NR2E1: variants seen among roughly 807,000 people sequenced by gnomAD.
The protein encoded by NR2E1 is nuclear receptor TLX.
NR2E1 carries 5 observed loss-of-function variants against 43.6 expected under a neutral mutation model. The observed-to-expected ratio is 0.11, with a 90% CI of 0.06 to 0.24. NR2E1 has a LOEUF of 0.24. Ranked by LOEUF, NR2E1 falls within the 10% of genes least tolerant of loss-of-function variation. NR2E1 has a pLI of 1.00. For synonymous variants in NR2E1, 191 were observed against 195.5 expected (o/e 0.98, Z 0.19); for missense variants, 287 against 496.7 (o/e 0.58, Z 4.01).
Position 108,181,643 on chromosome 6 carries a change from C to G in NR2E1, c.987C>G (p.Ile329Met). The change falls in exon 8 of 9, where the codon ATC (isoleucine) becomes ATG (methionine). Residue 329 changes from isoleucine to methionine, a missense_variant. Ile to Met is a conservative substitution (Grantham distance 10). Around this residue, in one of 4 missense-constraint regions of NR2E1, gnomAD observed 119 missense variants for 187.0 expected, o/e 0.64. Coordinates refer to ENST00000368986, the MANE Select transcript of NR2E1 (RefSeq NM_003269.5). ...DEAQLTLNSY[I>M]HTRYPTQPCR... ...CTCAGCTAACGCTCAACAGCTACAT[C>G]CATACCAGGTGACCCTTGTTTGCCT... 1 of 1,613,746 alleles carries G rather than the reference C, an allele frequency of 6.2e-7. No homozygotes were observed. Among genetic ancestry groups the G allele is most frequent in the Non-Finnish European group, 8.5e-7 (1 of 1,179,586 alleles).
chr6:108,179,492 C>CTCTGTG (rs1554258516), intron 5 of NR2E1, among the ~76,000 whole-genome samples: 3 of 131,348 alleles, frequency 2.3e-5, no homozygotes, highest in African/African-American at 8.8e-5. Flanking sequence ...TAACCACTTC[C>CTCTGTG]TGTGTGTGTG....
chr6:108,184,856 A>G (rs1582451131), intron 8 of NR2E1, among the ~76,000 whole-genome samples: 1 of 152,228 alleles, frequency 6.6e-6, no homozygotes, highest in East Asian at 1.9e-4. Context: ...AATTCTTATT[A>G]TTTCTATTAA....
chr6:108,171,664 G>C, intron 2 of NR2E1, 61 bp downstream of exon 2: 1 of 1,605,486 alleles, frequency 6.2e-7, no homozygotes. Flanking sequence ...TCTTTTGTTT[G>C]TGCCAAGGCC....
chr6:108,169,051 G>T lies in NR2E1; in HGVS notation c.25+2261G>T, dbSNP rs1272935050. On this transcript the variant is annotated intron_variant, in intron 1 of 8. Coordinates refer to ENST00000368986, the MANE Select transcript of NR2E1 (RefSeq NM_003269.5). The surrounding 1 kb of genome is among the most constrained non-coding windows in gnomAD (Gnocchi z 6.1). ...TTCAGGAAACTCCGGCTCGCCTCACGTCGGAGCTCGCTCGGCTTGCTAAAT... is the reference window on the plus strand; with the variant it reads ...TTCAGGAAACTCCGGCTCGCCTCACTTCGGAGCTCGCTCGGCTTGCTAAAT... 1.3e-5 allele frequency: 2 copies of T among 152,224 alleles called. No homozygotes were observed. Among genetic ancestry groups the T allele is most frequent in the Non-Finnish European group, 2.9e-5 (2 of 68,046 alleles). 9.4% of individuals were successfully genotyped at this position (152,224 alleles called of 1,614,324 possible). A position where few individuals can be genotyped will look rare whatever the true frequency, so the allele number is the denominator to read the frequency against.
At chr6:108,171,645 C>T (rs1421247908) in intron 2 of NR2E1, 42 bp downstream of exon 2, 2 of 1,612,126 alleles carry the variant, frequency 1.2e-6, no homozygotes, top group Non-Finnish European at 1.7e-6. Context: ...CGCTCTGCTG[C>T]CTCCTCACTC....
chr6:108,182,549 C>T (rs1327217070), intron 8 of NR2E1, among the ~76,000 whole-genome samples: 9 of 147,560 alleles, frequency 6.1e-5, no homozygotes, highest in East Asian at 3.9e-4. Flanking sequence ...CCACCACACC[C>T]AGCTAATTTT....
chr6:108,187,204 A>T, intron 8 of NR2E1, 97 bp from the exon 9 acceptor site: 1 of 1,378,794 alleles, frequency 7.3e-7, no homozygotes, highest in Non-Finnish European at 1.0e-6. Flanking sequence ...AGAGACCTAG[A>T]TCAGCAATGC....
intron 8 of NR2E1, among the ~76,000 whole-genome samples, chr6:108,186,360 C>T (rs1162115735): frequency 6.6e-6 from 1 of 152,054 alleles, no homozygotes; most frequent in Non-Finnish European, 1.5e-5. Flanking sequence ...AAAGTTGCTC[C>T]CCTGAACTTT....
At chr6:108,170,098 C>T (rs1199417662) in intron 1 of NR2E1, among the ~76,000 whole-genome samples, 2 of 151,908 alleles carry the variant, frequency 1.3e-5, no homozygotes, top group Non-Finnish European at 1.5e-5. Flanking sequence ...CCTCCCCGCG[C>T]CACGCCCTCA....
chr6:108,174,517 C>A (rs892291345), intron 2 of NR2E1, among the ~76,000 whole-genome samples: 1 of 152,044 alleles, frequency 6.6e-6, no homozygotes. Flanking sequence ...GTTCCCCTAG[C>A]GAGAGCCCCG....
At chr6:108,167,806 C>G (rs77895588) in intron 1 of NR2E1, among the ~76,000 whole-genome samples, 4 of 152,058 alleles carry the variant, frequency 2.6e-5, no homozygotes, top group African/African-American at 4.8e-5. Flanking sequence ...CCTTCCCTCC[C>G]CCTCCCCCTT....
In NR2E1 at chr6:108,181,645, A is replaced by G. The variant is rs765193673; in HGVS notation, c.989A>G (p.His330Arg). 4 of 1,613,760 alleles carry G rather than the reference A, an allele frequency of 2.5e-6. No individual in the cohort carries two copies. Among genetic ancestry groups the G allele is most frequent in the Non-Finnish European group, 3.4e-6 (4 of 1,179,598 alleles). The change falls in exon 8 of 9, where the codon CAT becomes CGT. Residue 330 changes from histidine to arginine, a missense_variant. Around this residue, in one of 4 missense-constraint regions of NR2E1, gnomAD observed 119 missense variants for 187.0 expected, o/e 0.64. Coordinates refer to ENST00000368986, the MANE Select transcript of NR2E1 (RefSeq NM_003269.5). ...EAQLTLNSYI[H>R]TRYPTQPCRF... ...CAGCTAACGCTCAACAGCTACATCC[A>G]TACCAGGTGACCCTTGTTTGCCTTG...
At chr6:108,176,814 G>A in intron 4 of NR2E1, 76 bp downstream of exon 4, 1 of 1,407,798 alleles carries the variant, frequency 7.1e-7, no homozygotes, top group Non-Finnish European at 9.6e-7. Context: ...TCTGAGCTGT[G>A]TGATTGGGGT....
chr6:108,181,031 T>G, intron 7 of NR2E1, 75 bp downstream of exon 7: 4 of 1,486,256 alleles, frequency 2.7e-6, no homozygotes, highest in African/African-American at 1.4e-5. Flanking sequence ...CCTCGAAGTC[T>G]GAACTGACCT....
At chr6:108,172,360 G>A (rs1259634280) in intron 2 of NR2E1, among the ~76,000 whole-genome samples, 1 of 152,218 alleles carries the variant, frequency 6.6e-6, no homozygotes, top group African/African-American at 2.4e-5. Context: ...TTTGGGCCCA[G>A]TCGGTTGTTT....
chr6:108,178,777 G>T (rs2114678235), intron 5 of NR2E1: 2 of 170,938 alleles, frequency 1.2e-5, no homozygotes, highest in East Asian at 1.4e-4. Flanking sequence ...TGTAGGCTAG[G>T]TTCTTCCTTG....
chr6:108,176,369 CCTT>C (rs1654442552), intron 3 of NR2E1, 131 bp from the exon 4 acceptor site: 4 of 733,516 alleles, frequency 5.5e-6, no homozygotes, highest in African/African-American at 3.5e-5. Context: ...ATTCCCTCTC[CCTT>C]CTTCTTTTCA....
intron 8 of NR2E1, 35 bp downstream of exon 8, chr6:108,181,686 A>G (rs1773992773): frequency 9.1e-6 from 14 of 1,536,364 alleles, no homozygotes; most frequent in Non-Finnish European, 1.3e-5. Context: ...GTACTTAAGA[A>G]AATTGCCTCC....
chr6:108,188,546 CACACA>C lies in NR2E1; in HGVS notation c.*1084_*1088del, dbSNP rs1774113680. The C allele has an allele frequency of 6.6e-6, 1 of 150,932 alleles. No individual in the cohort carries two copies. Among genetic ancestry groups the C allele is most frequent in the Non-Finnish European group, 1.5e-5 (1 of 68,246 alleles). The allele number at this position is 150,932 out of a possible 1,614,324, so 9.3% of individuals were successfully genotyped here. On this transcript the variant is annotated 3_prime_UTR_variant, in exon 9 of 9. Coordinates refer to ENST00000368986, the MANE Select transcript of NR2E1 (RefSeq NM_003269.5). ...ACACACACACACACACACACACACA[CACACA>C]CCGTCCTACACTTTAAGCTGCTCCT... is the stretch of plus-strand genomic sequence containing the variant.
Sources: allele counts gnomAD v4.1 joint callset (sites outside exome capture counted in the v4.1 genomes callset), GRCh38; gene constraint gnomAD v4.1.1; regional missense constraint gnomAD v4.1.1; non-coding constraint Gnocchi (gnomAD v3.1); transcripts MANE v1.5; gene names NCBI Gene and HGNC (gene_info 2026-07-23, HGNC 2026-07-21).